Variants in ZNF469 observed in about 807,000 individuals in gnomAD.
ZNF469 encodes the protein zinc finger protein 469.
In ZNF469, 1 loss-of-function variant was observed where a neutral mutation model predicts 1.0. The ratio of observed to expected loss-of-function variants is 1.00; its 90% CI spans 0.35 to 4.73. ZNF469 has a LOEUF of 4.73. Among genes scored for constraint, ZNF469 ranks in the 30% most tolerant of loss-of-function variants. The probability of loss-of-function intolerance (pLI) is 0.16; values close to 1 mark genes in which losing one functional copy is unlikely to be tolerated. For synonymous variants in ZNF469, 2,703 were observed against 2,363.4 expected (o/e 1.14, Z -4.17); for missense variants, 6,100 against 5,356.3 (o/e 1.14, Z -4.33).
chr16:88,246,364 GCGT>G, the ZNF469 span, among the ~76,000 whole-genome samples: 2 of 152,218 alleles, frequency 1.3e-5, no homozygotes, highest in Admixed American at 1.3e-4. Context: ...GGTGTGATAA[GCGT>G]CATAGTGGGG....
chr16:88,313,625 G>T, the ZNF469 span, among the ~76,000 whole-genome samples: 2 of 152,118 alleles, frequency 1.3e-5, no homozygotes, highest in African/African-American at 4.8e-5. Context: ...TGCTGGTGTG[G>T]ACTGTCTGTG....
chr16:88,200,624 G>C, the ZNF469 span, among the ~76,000 whole-genome samples: 3 of 152,244 alleles, frequency 2.0e-5, no homozygotes, highest in South Asian at 2.1e-4. Flanking sequence ...CCCTGGGCTG[G>C]ACGTCAAACC....
At chr16:88,351,221 G>A in the ZNF469 span, among the ~76,000 whole-genome samples, 43 of 152,330 alleles carry the variant, frequency 2.8e-4, no homozygotes, top group African/African-American at 3.8e-4. Context: ...AAGGCTGGAC[G>A]GCTGCCCCCT....
At chr16:88,109,883 C>A in the ZNF469 span, among the ~76,000 whole-genome samples, 3 of 152,246 alleles carry the variant, frequency 2.0e-5, no homozygotes, top group African/African-American at 7.2e-5. Flanking sequence ...CCAGCTTGCT[C>A]ACCTTTGGCC....
At chr16:88,305,350 G>C in the ZNF469 span, among the ~76,000 whole-genome samples, 1 of 99,240 alleles carries the variant, frequency 1.0e-5, no homozygotes, top group Non-Finnish European at 2.0e-5. Flanking sequence ...TCACACACAT[G>C]CACACACATG....
chr16:88,431,605 C>T lies in ZNF469; in HGVS notation c.4135C>T (p.Pro1379Ser). ...AAAGGGGCCTCAGCCCTACAGCAGC[C>T]CCCACAGTGAGTTGTTCCTCGGACC... is the stretch of plus-strand genomic sequence containing the variant. ...AKKGPQPYSS[P>S]HSELFLGPKD... The change falls in exon 3 of 3, where the codon CCC becomes TCC. Residue 1379 changes from proline (P) to serine (S), a missense_variant. Coordinates refer to ENST00000565624, the MANE Select transcript of ZNF469 (RefSeq NM_001367624.2). The T allele has an allele frequency of 1.9e-6, 3 of 1,550,468 alleles. No homozygotes were observed. Among genetic ancestry groups the T allele is most frequent in the Non-Finnish European group, 2.6e-6 (3 of 1,146,990 alleles).
chr16:88,357,864 G>C, the ZNF469 span, among the ~76,000 whole-genome samples: 1 of 152,196 alleles, frequency 6.6e-6, no homozygotes, highest in East Asian at 1.9e-4. Flanking sequence ...GGAGGCCGGA[G>C]GGAGCCGGTG....
At chr16:88,311,091 C>T in the ZNF469 span, among the ~76,000 whole-genome samples, 87 of 152,274 alleles carry the variant, frequency 5.7e-4, no homozygotes, top group East Asian at 5.6e-3. Flanking sequence ...TTTTGAGGAC[C>T]GCCTGGGCAT....
Position 88,435,154 on chromosome 16 carries a change from C to A in ZNF469, c.7684C>A (p.Leu2562Ile), listed in dbSNP as rs1299411886. The change falls in exon 3 of 3, where the codon CTC becomes ATC. Residue 2562 changes from leucine (L) to isoleucine (I), a missense_variant. Leu to Ile is a conservative substitution (Grantham distance 5, BLOSUM62 2). Coordinates refer to ENST00000565624, the MANE Select transcript of ZNF469 (RefSeq NM_001367624.2). ...GCCTGCCCAGGGCTCAAAGGAGGTTCTCAGAGCACCGGGGTCCCCACACAG... is the reference window on the plus strand; with the variant it reads ...GCCTGCCCAGGGCTCAAAGGAGGTTATCAGAGCACCGGGGTCCCCACACAG... ...PPPAQGSKEVLRAPGSPHSQQ... is the reference protein window; with the variant it reads ...PPPAQGSKEVIRAPGSPHSQQ... 1 of 1,550,418 alleles carries A rather than the reference C, an allele frequency of 6.4e-7. No individual in the cohort carries two copies. The highest frequency in any genetic ancestry group is 2.0e-5 in the Admixed American group (1 of 51,014).
chr16:88,140,948 C>A, the ZNF469 span, among the ~76,000 whole-genome samples: 1 of 151,840 alleles, frequency 6.6e-6, no homozygotes, highest in African/African-American at 2.4e-5. Flanking sequence ...AACAAACAAA[C>A]AAAAAAACAA....
the ZNF469 span, among the ~76,000 whole-genome samples, chr16:88,265,433 C>A: frequency 6.6e-6 from 1 of 152,190 alleles, no homozygotes; most frequent in Non-Finnish European, 1.5e-5. Context: ...CTTTTGGCCT[C>A]CCAGTGAGTC....
chr16:88,398,385 GAT>G (rs1904753541), intron 1 of ZNF469, among the ~76,000 whole-genome samples: 1 of 123,530 alleles, frequency 8.1e-6, no homozygotes, highest in Non-Finnish European at 1.8e-5. Context: ...GTGAGCCACG[GAT>G]GAAGGGACAT....
the ZNF469 span, among the ~76,000 whole-genome samples, chr16:88,296,465 CA>C: frequency 1.4e-5 from 2 of 142,754 alleles, no homozygotes; most frequent in African/African-American, 2.7e-5. Context: ...CTCCCCCCCA[CA>C]CACAGTGCAC....
chr16:88,353,817 C>T, the ZNF469 span, among the ~76,000 whole-genome samples: 3 of 152,186 alleles, frequency 2.0e-5, no homozygotes, highest in Admixed American at 2.0e-4. Flanking sequence ...CGCTGAGGAC[C>T]GCCTGGGGCC....
the ZNF469 span, among the ~76,000 whole-genome samples, chr16:88,261,018 G>A: frequency 2.6e-5 from 4 of 152,196 alleles, no homozygotes; most frequent in Non-Finnish European, 5.9e-5. The surrounding 1 kb of genome is among the most constrained non-coding windows in gnomAD (Gnocchi z 6.0). Flanking sequence ...GTGAAAATGG[G>A]GAGCCCGGGC....
chr16:88,101,916 G>A, the ZNF469 span, among the ~76,000 whole-genome samples: 11 of 152,290 alleles, frequency 7.2e-5, no homozygotes, highest in Non-Finnish European at 4.4e-5. Context: ...GGTCGGCCGC[G>A]GGTGCGTCTT....
the ZNF469 span, among the ~76,000 whole-genome samples, chr16:88,195,820 C>G: frequency 6.6e-6 from 1 of 152,218 alleles, no homozygotes; most frequent in Non-Finnish European, 1.5e-5. Flanking sequence ...AGGGAAATCT[C>G]TTCTGGAGTA....
In ZNF469 at chr16:88,428,404, G is replaced by A; in HGVS notation, c.934G>A (p.Ala312Thr). 1 of 1,548,266 alleles carries A rather than the reference G, an allele frequency of 6.5e-7. No individual in the cohort carries two copies. The highest frequency in any genetic ancestry group is 8.7e-7 in the Non-Finnish European group (1 of 1,146,824). The change falls in exon 3 of 3, where the codon GCG becomes ACG. Residue 312 changes from alanine (A) to threonine (T), a missense_variant. Ala to Thr is a moderately conservative substitution (Grantham distance 58). Transcript: ENST00000565624. ...LVFAFHQPQG[A>T]WPEEAVGTGP... ...GTTTGCCTTCCATCAGCCCCAGGGA[G>A]CGTGGCCGGAGGAGGCCGTGGGCAC...
At chr16:88,244,727 G>T in the ZNF469 span, among the ~76,000 whole-genome samples, 20 of 92,458 alleles carry the variant, frequency 2.2e-4, 5 homozygotes, top group South Asian at 6.2e-3. Context: ...ATGGGTAAGT[G>T]GATGAGTGGG....
Sources: allele counts gnomAD v4.1 joint callset (sites outside exome capture counted in the v4.1 genomes callset), GRCh38; gene constraint gnomAD v4.1.1; non-coding constraint Gnocchi (gnomAD v3.1); transcripts MANE v1.5; gene names NCBI Gene and HGNC (gene_info 2026-07-23, HGNC 2026-07-21).